Variants in LRRIQ1 observed in about 807,000 individuals in gnomAD.
LRRIQ1 encodes leucine-rich repeat- and IQ domain-containing protein 1.
A neutral mutation model predicts 211.9 loss-of-function variants in LRRIQ1; 210 were observed. The ratio of observed to expected loss-of-function variants is 0.99; its 90% CI spans 0.89 to 1.11. The LOEUF (loss-of-function observed/expected upper bound fraction) is 1.11, where lower values mean the gene tolerates loss of function less well. LRRIQ1 is among the 50% of genes most tolerant of loss of function. The probability of loss-of-function intolerance (pLI) is 0.00; values close to 1 mark genes in which losing one functional copy is unlikely to be tolerated. For missense variants in LRRIQ1, 2,136 were observed against 1,939.5 expected, an observed-to-expected ratio of 1.10 and a Z score of -1.90; for synonymous variants, 699 against 650.1, an observed-to-expected ratio of 1.08 and a Z score of -1.14.
At chr12:85,207,404 A>G (rs1261069586) in intron 24 of LRRIQ1, among the ~76,000 whole-genome samples, 1 of 151,964 alleles carries the variant, frequency 6.6e-6, no homozygotes, top group Non-Finnish European at 1.5e-5. Context: ...TTTTAAGAGT[A>G]TTTTGTGTAT....
At chr12:85,127,175 A>G (rs1340369140) in intron 17 of LRRIQ1, among the ~76,000 whole-genome samples, 3 of 152,248 alleles carry the variant, frequency 2.0e-5, no homozygotes, top group African/African-American at 4.8e-5. Context: ...TTTATAATCA[A>G]TGTACATTTT....
At chr12:85,260,101 C>T (rs1054414510) in intron 1 of LRRIQ1, among the ~76,000 whole-genome samples, 1 of 148,296 alleles carries the variant, frequency 6.7e-6, no homozygotes, top group East Asian at 2.0e-4. Context: ...AAGTACTACC[C>T]TCCTTACATG....
chr12:85,229,634 C>G lies in LRRIQ1; in HGVS notation c.4940C>G (p.Ser1647Cys), dbSNP rs201494519. 301 of 1,611,026 alleles carry G rather than the reference C, an allele frequency of 1.9e-4. 1 individual carries two copies. Among genetic ancestry groups the G allele is most frequent in the Non-Finnish European group, 2.2e-4 (262 of 1,179,064 alleles). ...TQVGVHETTS[S>C]RNMKCNHFLP... Reference sequence around the variant, plus strand: ...GTTGGGGTTCATGAAACGACTAGTTCCAGAAATATGAAATGGTGAGGTCAT... The same window carrying G: ...GTTGGGGTTCATGAAACGACTAGTTGCAGAAATATGAAATGGTGAGGTCAT... The change falls in exon 25 of 27, where the codon TCC (serine) becomes TGC (cysteine). Residue 1647 changes from serine (S) to cysteine (C), a missense_variant. Ser to Cys is a moderately radical substitution (Grantham distance 112). Coordinates refer to ENST00000393217, the MANE Select transcript of LRRIQ1 (RefSeq NM_001079910.2).
intron 1 of LRRIQ1, among the ~76,000 whole-genome samples, chr12:85,251,048 A>G (rs921789715): frequency 2.2e-5 from 3 of 137,352 alleles, no homozygotes; most frequent in Non-Finnish European, 4.6e-5. Flanking sequence ...AATAATTTTC[A>G]TATATGTATG....
rs568946526 is a variant in LRRIQ1 at position 85,213,575 on chromosome 12, C to A, written c.4823-15942C>A. 3.9e-5 allele frequency among the ~76,000 whole-genome samples: 6 copies of A among 152,042 alleles called. No homozygotes were observed. In the South Asian group the frequency reaches 1.2e-3, roughly 32 times the overall value. ...ACATAGGACTTTTATCAAACTTGAA[C>A]TTATACTGGCCTTAAATCAGGTATC... On this transcript the variant is annotated intron_variant, in intron 24 of 26. Coordinates refer to ENST00000393217, the MANE Select transcript of LRRIQ1 (RefSeq NM_001079910.2).
chr12:85,193,766 A>C (rs1892729853), intron 24 of LRRIQ1, among the ~76,000 whole-genome samples: 1 of 150,126 alleles, frequency 6.7e-6, no homozygotes, highest in African/African-American at 2.5e-5. Flanking sequence ...TGCATCAACT[A>C]ACGAGCAAAA....
intron 11 of LRRIQ1, 101 bp downstream of exon 11, chr12:85,073,199 T>A: frequency 1.4e-6 from 1 of 717,974 alleles, no homozygotes; most frequent in Non-Finnish European, 2.2e-6. Context: ...CCTTTATTTT[T>A]TTAAATATAG....
At chr12:85,102,268 C>A (rs7310124) in intron 13 of LRRIQ1, among the ~76,000 whole-genome samples, 41,818 of 151,372 alleles carry the variant, frequency 0.28, 5,923 homozygotes, top group Admixed American at 0.33. Flanking sequence ...TCCCACCCCA[C>A]TTCCCTTCCC....
intron 24 of LRRIQ1, among the ~76,000 whole-genome samples, chr12:85,191,966 T>C (rs1892534015): frequency 6.6e-6 from 1 of 151,952 alleles, no homozygotes. Context: ...AATGGGGTTG[T>C]TCGTTTTCTA....
chr12:85,171,864 C>T (rs1891436387), intron 24 of LRRIQ1, among the ~76,000 whole-genome samples: 3 of 152,166 alleles, frequency 2.0e-5, no homozygotes, highest in Admixed American at 2.0e-4. Flanking sequence ...GCACCTGGAT[C>T]TTGGACTTTT....
chr12:85,047,005 G>T (rs10161047), intron 5 of LRRIQ1, among the ~76,000 whole-genome samples: 1 of 144,876 alleles, frequency 6.9e-6, no homozygotes, highest in African/African-American at 2.6e-5. Flanking sequence ...CCTCTCATGG[G>T]GTTGGGGGAG....
chr12:85,190,303 A>T (rs1485220074), intron 24 of LRRIQ1, among the ~76,000 whole-genome samples: 2 of 143,672 alleles, frequency 1.4e-5, no homozygotes, highest in Non-Finnish European at 1.5e-5. Context: ...AATTTATGTT[A>T]TTAACTGTAA....
chr12:85,222,739 C>T (rs958249205), intron 24 of LRRIQ1, among the ~76,000 whole-genome samples: 1 of 152,058 alleles, frequency 6.6e-6, no homozygotes, highest in Non-Finnish European at 1.5e-5. Flanking sequence ...AAACTGATGG[C>T]AAGGTATTCT....
At chr12:85,204,597 G>T (rs1592967368) in intron 24 of LRRIQ1, among the ~76,000 whole-genome samples, 1 of 152,192 alleles carries the variant, frequency 6.6e-6, no homozygotes, top group Admixed American at 6.5e-5. Context: ...GTGAGAAATG[G>T]AGTCAAAGGA....
chr12:85,157,413 A>G (rs1005069891), intron 23 of LRRIQ1, among the ~76,000 whole-genome samples: 1 of 151,872 alleles, frequency 6.6e-6, no homozygotes, highest in African/African-American at 2.4e-5. Context: ...CTAGTGAGTA[A>G]TTGCTTTTAA....
chr12:85,053,477 A>G (rs1880570719), intron 7 of LRRIQ1, among the ~76,000 whole-genome samples: 1 of 152,178 alleles, frequency 6.6e-6, no homozygotes, highest in South Asian at 2.1e-4. Flanking sequence ...TAACAGTAAA[A>G]CAAATAGCCA....
At chr12:85,161,231 C>T (rs991682716) in intron 24 of LRRIQ1, among the ~76,000 whole-genome samples, 7 of 151,856 alleles carry the variant, frequency 4.6e-5, no homozygotes, top group Admixed American at 3.3e-4. Flanking sequence ...CTGATTTCAA[C>T]GTTCAGAAAA....
intron 26 of LRRIQ1, among the ~76,000 whole-genome samples, chr12:85,237,673 A>G (rs557571906): frequency 5.8e-4 from 88 of 152,260 alleles, no homozygotes; most frequent in African/African-American, 2.0e-3. Flanking sequence ...GTTAAACTTT[A>G]GGAAGGGGTG....
chr12:85,167,438 G>A (rs942516901), intron 24 of LRRIQ1, among the ~76,000 whole-genome samples: 3 of 152,130 alleles, frequency 2.0e-5, no homozygotes, highest in Admixed American at 6.5e-5. Flanking sequence ...GTCTTCAGTC[G>A]TTTGCTGAAG....
Sources: allele counts gnomAD v4.1 joint callset (sites outside exome capture counted in the v4.1 genomes callset), GRCh38; gene constraint gnomAD v4.1.1; transcripts MANE v1.5; gene names NCBI Gene and HGNC (gene_info 2026-07-23, HGNC 2026-07-21).